Variants in AKAP9 observed in about 807,000 individuals in gnomAD.
AKAP9 encodes A-kinase anchoring protein 9.
A neutral mutation model predicts 488.5 loss-of-function variants in AKAP9; 311 were observed. That is an observed-to-expected ratio of 0.64 (90% CI 0.58 to 0.70). AKAP9 has a LOEUF of 0.70. Ranked by LOEUF, AKAP9 falls within the 30% of genes least tolerant of loss-of-function variation. The pLI is 0.00. For synonymous variants in AKAP9, 1,462 were observed against 1,483.5 expected (o/e 0.99, Z 0.33); for missense variants, 4,215 against 4,374.5 (o/e 0.96, Z 1.03).
At chr7:91,994,484 A>C (rs543114800) in intron 5 of AKAP9, 137 bp from the exon 6 acceptor site, 1 of 771,958 alleles carries the variant, frequency 1.3e-6, no homozygotes, top group East Asian at 2.8e-5. Flanking sequence ...GTAAGTTAAT[A>C]GTTTTCAAAT....
rs570954372 is a variant in AKAP9, at chr7:92,057,457, G to A, written c.5602-3803G>A. Among the ~76,000 whole-genome samples the A allele has an allele frequency of 7.5e-4, 114 of 152,092 alleles. 2 individuals carry two copies. Among genetic ancestry groups the A allele is most frequent in the South Asian group, 5.6e-3 (27 of 4,814 alleles). On this transcript the variant is annotated intron_variant, in intron 22 of 49. Transcript: ENST00000356239. ...TGACGTGGAACTTGGATCCTGTCTG[G>A]CAGGCTTTTTTGTGGGCATATTAAT...
chr7:92,025,431 C>G lies in AKAP9; in HGVS notation c.4148+2422C>G, dbSNP rs1047220686. ...AAAGAGTTTTACTCACCACCGTCCT[C>G]ATTCTTACTAATAGTAATGAGTCAA... is the stretch of plus-strand genomic sequence containing the variant. On this transcript the variant is annotated intron_variant, in intron 14 of 49. Transcript: ENST00000356239. 3.3e-5 allele frequency among the ~76,000 whole-genome samples: 5 copies of G among 152,342 alleles called. No homozygotes were observed. The East Asian group carries it at 5.8e-4, about 18-fold the overall frequency.
At chr7:92,051,886 A>G (rs1316995847) in intron 21 of AKAP9, among the ~76,000 whole-genome samples, 2 of 152,230 alleles carry the variant, frequency 1.3e-5, no homozygotes, top group African/African-American at 4.8e-5. Context: ...TCTGCCACAA[A>G]GGAGTATTTA....
intron 1 of AKAP9, among the ~76,000 whole-genome samples, chr7:91,971,351 A>T (rs1304479385): frequency 2.0e-5 from 3 of 151,928 alleles, no homozygotes; most frequent in Non-Finnish European, 4.4e-5. Flanking sequence ...TCTTTGTTAA[A>T]TTTTTCTAAT....
intron 1 of AKAP9, among the ~76,000 whole-genome samples, chr7:91,950,331 G>A (rs1196507657): frequency 1.3e-5 from 2 of 150,026 alleles, no homozygotes; most frequent in East Asian, 2.0e-4. Flanking sequence ...CCGGGTTCAC[G>A]CCATTCTCCT....
chr7:92,023,088 A>T (rs1450429136), intron 14 of AKAP9, 79 bp downstream of exon 14: 7 of 1,489,224 alleles, frequency 4.7e-6, no homozygotes, highest in Middle Eastern at 1.7e-4. Context: ...ATGGTTATTT[A>T]AAAAAGTAAC....
chr7:92,108,618 G>A lies in AKAP9; in HGVS notation c.11671G>A (p.Gly3891Arg), dbSNP rs761541780. ...GCTAGAGGCACTGCAAAGACGACTT[G>A]GAACTATACAGTCAGGTGCTCTGAG... Reference protein sequence around the residue: ...TRLEALQRRLGTIQSGSTTQF... With the variant: ...TRLEALQRRLRTIQSGSTTQF... Residue 3891 changes from glycine (G) to arginine (R), a missense_variant, in exon 49 of 50, where the codon GGA (glycine) becomes AGA (arginine). By Grantham distance (125) the Gly-to-Arg change is moderately radical (BLOSUM62 -2). Coordinates refer to ENST00000356239, the MANE Select transcript of AKAP9 (RefSeq NM_005751.5). The A allele has an allele frequency of 1.2e-6, 2 of 1,614,110 alleles. No individual in the cohort carries two copies. The highest frequency in any genetic ancestry group is 1.1e-5 in the South Asian group (1 of 91,080).
intron 1 of AKAP9, among the ~76,000 whole-genome samples, chr7:91,955,058 C>A (rs553103788): frequency 7.5e-4 from 114 of 152,156 alleles, no homozygotes; most frequent in Non-Finnish European, 1.4e-3. Flanking sequence ...ATTTTAGAAT[C>A]CTTTATATAA....
chr7:91,944,282 G>A (rs1052755119), intron 1 of AKAP9, among the ~76,000 whole-genome samples: 2 of 151,880 alleles, frequency 1.3e-5, no homozygotes, highest in African/African-American at 2.4e-5. Flanking sequence ...TGTAAATCGT[G>A]GCTATCTCTG....
chr7:92,015,616 G>A (rs934946903), intron 10 of AKAP9, among the ~76,000 whole-genome samples: 1 of 151,898 alleles, frequency 6.6e-6, no homozygotes, highest in African/African-American at 2.4e-5. Flanking sequence ...CACCTTCCTC[G>A]ACCTCCCAAA....
At chr7:92,094,563 G>A (rs577969496) in intron 39 of AKAP9, among the ~76,000 whole-genome samples, 2 of 151,940 alleles carry the variant, frequency 1.3e-5, no homozygotes, top group African/African-American at 2.4e-5. Flanking sequence ...GGCCGGGCGC[G>A]GTGGCTCATG....
intron 1 of AKAP9, among the ~76,000 whole-genome samples, chr7:91,951,082 AAG>A (rs1269528212): frequency 6.6e-6 from 1 of 152,026 alleles, no homozygotes; most frequent in Non-Finnish European, 1.5e-5. Flanking sequence ...GTTTGAGAAA[AAG>A]AAAAGATAAT....
In AKAP9 at chr7:92,065,412, G is replaced by C; in HGVS notation, c.6159G>C (p.Gln2053His). 1.2e-6 allele frequency: 2 copies of C among 1,612,522 alleles called. No homozygotes were observed. Residue 2053 changes from glutamine (Q) to histidine (H), a missense_variant, in exon 25 of 50, where the codon CAG (glutamine) becomes CAC (histidine). By Grantham distance (24) the Gln-to-His change is conservative. Transcript: ENST00000356239. ...EKNTELMDLR[Q>H]QNQALEKQLE... ...ATACTGAACTAATGGATTTAAGACA[G>C]CAAAACCAAGCATTGGAAAAGCAGT...
chr7:92,110,341 G>T lies in AKAP9; in HGVS notation c.*182G>T. 2 of 589,332 alleles carry T rather than the reference G, an allele frequency of 3.4e-6. No individual in the cohort carries two copies. Among genetic ancestry groups the T allele is most frequent in the South Asian group, 2.1e-5 (1 of 47,826 alleles). The allele number at this position is 589,332 out of a possible 1,614,324, so 36.5% of individuals were successfully genotyped here. On this transcript the variant is annotated 3_prime_UTR_variant, in exon 50 of 50. Transcript: ENST00000356239. ...TGGAATTTGTATATATAAGCATTGT[G>T]TATGTATTCATGCACAATAATTATT...
chr7:92,015,090 G>A (rs1392672123), intron 10 of AKAP9, among the ~76,000 whole-genome samples: 3 of 152,110 alleles, frequency 2.0e-5, no homozygotes, highest in Non-Finnish European at 4.4e-5. Flanking sequence ...ATTATTAATT[G>A]ACAGTATAGT....
intron 44 of AKAP9, 85 bp from the exon 45 acceptor site, chr7:92,100,771 T>C: frequency 6.6e-7 from 1 of 1,507,482 alleles, no homozygotes. Context: ...AAGTTGAGAC[T>C]GCATCATCAT....
At chr7:92,012,350 G>C (rs1346787293) in intron 8 of AKAP9, 79 bp from the exon 9 acceptor site, 2 of 1,304,278 alleles carry the variant, frequency 1.5e-6, no homozygotes, top group Non-Finnish European at 2.2e-6. Flanking sequence ...CTTGTAGTCA[G>C]TATATGCAAA....
In AKAP9 at chr7:92,080,341, G is replaced by T. The variant is rs540321545; in HGVS notation, c.8019+189G>T. On this transcript the variant is annotated intron_variant, in intron 31 of 49. Coordinates refer to ENST00000356239, the MANE Select transcript of AKAP9 (RefSeq NM_005751.5). Reference sequence around the variant, plus strand: ...AGGACAGGCGCGGTGGCCCACGCCTGTAATCCCAGCACTTTGGGAGGCCGA... The same window carrying T: ...AGGACAGGCGCGGTGGCCCACGCCTTTAATCCCAGCACTTTGGGAGGCCGA... Among the ~76,000 whole-genome samples, 3 of 152,202 alleles carry T rather than the reference G, an allele frequency of 2.0e-5. No homozygotes were observed. The East Asian group carries it at 5.8e-4, about 29-fold the overall frequency.
Position 92,062,337 on chromosome 7 carries a change from A to G in AKAP9, c.5828A>G (p.Asp1943Gly). ...GAAAGGCAAATTCAGGAAAAAACTG[A>G]TATAATAGATCGTCTTGAGCAGGAG... Reference protein sequence around the residue: ...LFERQIQEKTDIIDRLEQELL... With the variant: ...LFERQIQEKTGIIDRLEQELL... The change falls in exon 24 of 50, where the codon GAT becomes GGT. Residue 1943 changes from aspartate to glycine, a missense_variant. By Grantham distance (94) the Asp-to-Gly change is moderately conservative. This residue lies in a region of AKAP9 where 2,361 missense variants were observed against 2,430.0 expected (regional missense o/e 0.97). Coordinates refer to ENST00000356239, the MANE Select transcript of AKAP9 (RefSeq NM_005751.5). 1 of 1,613,902 alleles carries G rather than the reference A, an allele frequency of 6.2e-7. No homozygotes were observed. Among genetic ancestry groups the G allele is most frequent in the Non-Finnish European group, 8.5e-7 (1 of 1,179,822 alleles).
Sources: allele counts gnomAD v4.1 joint callset (sites outside exome capture counted in the v4.1 genomes callset), GRCh38; gene constraint gnomAD v4.1.1; regional missense constraint gnomAD v4.1.1; transcripts MANE v1.5; gene names NCBI Gene and HGNC (gene_info 2026-07-23, HGNC 2026-07-21).